The following RANBP2 variants were observed in gnomAD, a reference collection of about 807,000 sequenced individuals.
RANBP2 encodes RAN binding protein 2, also known as E3 SUMO-protein ligase RanBP2.
A neutral mutation model predicts 303.6 loss-of-function variants in RANBP2; 57 were observed. The ratio of observed to expected loss-of-function variants is 0.19; its 90% CI spans 0.15 to 0.23. The LOEUF (loss-of-function observed/expected upper bound fraction) is 0.23, where lower values mean the gene tolerates loss of function less well. Among genes scored for constraint, RANBP2 ranks in the 10% least tolerant of loss-of-function variants. The pLI, the probability that RANBP2 is intolerant of heterozygous loss-of-function variation, is 1.00. For missense variants in RANBP2, 3,138 were observed against 3,780.8 expected (o/e 0.83, Z 4.46); for synonymous variants, 1,167 against 1,301.5 (o/e 0.90, Z 2.23).
the RANBP2 span, among the ~76,000 whole-genome samples, chr2:108,978,426 T>C: frequency 6.6e-6 from 1 of 152,324 alleles, no homozygotes; most frequent in South Asian, 2.1e-4. Context: ...TCTGCGTGTC[T>C]TTGCTAATCT....
At chr2:109,015,228 T>C in the RANBP2 span, among the ~76,000 whole-genome samples, 2 of 148,114 alleles carry the variant, frequency 1.4e-5, no homozygotes, top group South Asian at 4.4e-4. Flanking sequence ...TTGAACAACC[T>C]GGGTTTGAAC....
At chr2:109,532,590 A>G in the RANBP2 span, among the ~76,000 whole-genome samples, 1 of 152,094 alleles carries the variant, frequency 6.6e-6, no homozygotes, top group East Asian at 1.9e-4. Context: ...TATTTCTCTC[A>G]GGTGAACTCA....
the RANBP2 span, among the ~76,000 whole-genome samples, chr2:108,874,078 A>G: frequency 1.3e-5 from 2 of 152,292 alleles, no homozygotes; most frequent in Admixed American, 6.5e-5. Context: ...TGCTTCATAT[A>G]AAAGTAAGAG....
the RANBP2 span, among the ~76,000 whole-genome samples, chr2:109,107,999 G>A: frequency 1.4e-4 from 21 of 152,298 alleles, no homozygotes; most frequent in Middle Eastern, 3.4e-3. Flanking sequence ...TCCGCCTCAC[G>A]GGTTCATGCC....
chr2:109,134,771 G>A, the RANBP2 span, among the ~76,000 whole-genome samples: 1 of 152,138 alleles, frequency 6.6e-6, no homozygotes, highest in Admixed American at 6.5e-5. Flanking sequence ...ATAAGCAGTG[G>A]CCACCCCTTC....
chr2:109,620,993 C>A, the RANBP2 span, among the ~76,000 whole-genome samples: 1 of 152,162 alleles, frequency 6.6e-6, no homozygotes, highest in South Asian at 2.1e-4. Flanking sequence ...TAAAATAGAT[C>A]ATTTTAAAGC....
At chr2:109,589,045 C>T in the RANBP2 span, among the ~76,000 whole-genome samples, 3 of 151,828 alleles carry the variant, frequency 2.0e-5, no homozygotes, top group Non-Finnish European at 2.9e-5. Context: ...ATTCTTCCAC[C>T]TCAGCCTCTG....
the RANBP2 span, among the ~76,000 whole-genome samples, chr2:108,803,860 A>G: frequency 6.6e-6 from 1 of 152,234 alleles, no homozygotes; most frequent in South Asian, 2.1e-4. Flanking sequence ...TAGAAATGGA[A>G]TGCATATGTT....
At chr2:109,067,523 T>A in the RANBP2 span, among the ~76,000 whole-genome samples, 1 of 152,134 alleles carries the variant, frequency 6.6e-6, no homozygotes, top group Admixed American at 6.5e-5. Flanking sequence ...CTCGGGCAAG[T>A]CCCTCCACCG....
At chr2:109,644,230 C>T in the RANBP2 span, among the ~76,000 whole-genome samples, 168 of 152,202 alleles carry the variant, frequency 1.1e-3, 1 homozygote, top group African/African-American at 3.9e-3. Context: ...TCTCTTGAAC[C>T]CAGGAGGTGG....
At chr2:108,916,623 G>A in the RANBP2 span, among the ~76,000 whole-genome samples, 1 of 152,328 alleles carries the variant, frequency 6.6e-6, no homozygotes, top group South Asian at 2.1e-4. Flanking sequence ...CCAGGCTGCA[G>A]GTGTAGGCTG....
chr2:109,340,818 T>C, the RANBP2 span, among the ~76,000 whole-genome samples: 3 of 152,158 alleles, frequency 2.0e-5, no homozygotes, highest in Admixed American at 1.3e-4. Flanking sequence ...AAAAGGTGCA[T>C]TCTAAGGCCA....
At chr2:109,637,878 A>C in the RANBP2 span, among the ~76,000 whole-genome samples, 1 of 152,122 alleles carries the variant, frequency 6.6e-6, no homozygotes, top group African/African-American at 2.4e-5. Context: ...GAATCGCTTG[A>C]ACCCGGGAGG....
At chr2:108,941,752 G>C in the RANBP2 span, among the ~76,000 whole-genome samples, 1 of 152,194 alleles carries the variant, frequency 6.6e-6, no homozygotes, top group Non-Finnish European at 1.5e-5. Flanking sequence ...TGTGTATTAT[G>C]CTCGCACACA....
At chr2:108,733,439 A>G (rs943646476) in intron 4 of RANBP2, among the ~76,000 whole-genome samples, 11 of 151,660 alleles carry the variant, frequency 7.3e-5, no homozygotes, top group African/African-American at 1.9e-4. Flanking sequence ...AGCCTTAACC[A>G]TTCACTTTTG....
the RANBP2 span, among the ~76,000 whole-genome samples, chr2:109,191,819 C>G: frequency 5.3e-5 from 8 of 152,162 alleles, no homozygotes; most frequent in East Asian, 1.9e-4. Context: ...CTGAGGATTC[C>G]TCTTCTTTGT....
At chr2:109,737,541 A>G in the RANBP2 span, 1 of 526,318 alleles carries the variant, frequency 1.9e-6, no homozygotes, top group Non-Finnish European at 3.3e-6. Context: ...GGAGGCAGAA[A>G]GCCAGATATC....
chr2:109,466,620 T>G, the RANBP2 span, among the ~76,000 whole-genome samples: 15 of 139,398 alleles, frequency 1.1e-4, no homozygotes, highest in African/African-American at 4.9e-4. Context: ...TGATTGTGTC[T>G]TTGGTGTTTT....
chr2:108,803,295 C>G, the RANBP2 span, among the ~76,000 whole-genome samples: 3 of 152,186 alleles, frequency 2.0e-5, no homozygotes, highest in African/African-American at 7.2e-5. Context: ...GTGAGAGGAT[C>G]CTCTGTTTGA....
Sources: allele counts gnomAD v4.1 joint callset (sites outside exome capture counted in the v4.1 genomes callset), GRCh38; gene constraint gnomAD v4.1.1; transcripts MANE v1.5; gene names NCBI Gene and HGNC (gene_info 2026-07-23, HGNC 2026-07-21).